IQGAP2: variants seen among roughly 807,000 people sequenced by gnomAD.
The protein encoded by IQGAP2 is ras GTPase-activating-like protein IQGAP2.
In IQGAP2, 173 loss-of-function variants were observed where a neutral mutation model predicts 201.3. That is an observed-to-expected ratio of 0.86 (90% CI 0.76 to 0.98). The LOEUF (loss-of-function observed/expected upper bound fraction) is 0.98. Among genes scored for constraint, IQGAP2 ranks in the 50% least tolerant of loss-of-function variants. The pLI, the probability that IQGAP2 is intolerant of heterozygous loss-of-function variation, is 0.00. For missense variants in IQGAP2, 1,687 were observed against 1,864.8 expected, an observed-to-expected ratio of 0.90 and a Z score of 1.76; for synonymous variants, 675 against 673.9, an observed-to-expected ratio of 1.00 and a Z score of -0.03.
At chr5:76,686,420 C>T (rs1216342184) in intron 30 of IQGAP2, among the ~76,000 whole-genome samples, 1 of 150,836 alleles carries the variant, frequency 6.6e-6, no homozygotes, top group African/African-American at 2.4e-5. Context: ...ATAGTTTTAG[C>T]TTTTACAGTT....
intron 20 of IQGAP2, among the ~76,000 whole-genome samples, chr5:76,656,254 G>A (rs1752908835): frequency 6.6e-6 from 1 of 150,922 alleles, no homozygotes; most frequent in Non-Finnish European, 1.5e-5. Context: ...ACGGAGTCTC[G>A]CTCTTTCGCC....
chr5:76,592,969 T>C, intron 9 of IQGAP2, 44 bp downstream of exon 9: 1 of 1,273,648 alleles, frequency 7.9e-7, no homozygotes. Context: ...TTCCGTAAGA[T>C]ACAGACTTTC....
chr5:76,427,695 C>G (rs549507596), intron 1 of IQGAP2, among the ~76,000 whole-genome samples: 3 of 152,264 alleles, frequency 2.0e-5, no homozygotes, highest in African/African-American at 4.8e-5. Flanking sequence ...GGCTGGGCCC[C>G]GAGACTGCAT....
At chr5:76,623,246 C>A in intron 13 of IQGAP2, 2 of 1,613,998 alleles carry the variant, frequency 1.2e-6, no homozygotes, top group South Asian at 1.1e-5. Flanking sequence ...TGACCTGAGT[C>A]CCGTCTCTTA....
Position 76,654,962 on chromosome 5 carries a change from T to C in IQGAP2, c.2279T>C (p.Leu760Pro). ...AATGAAATTGTGAAAATACAGTCAC[T>C]GTTGAGAGCGAACAAAGCTAGAGAT... ...HNNEIVKIQS[L>P]LRANKARDDY... The change falls in exon 20 of 36, where the codon CTG becomes CCG. Residue 760 changes from leucine to proline, a missense_variant. Physicochemically the swap from Leu to Pro is moderately conservative, Grantham distance 98. Coordinates refer to ENST00000274364, the MANE Select transcript of IQGAP2 (RefSeq NM_006633.5). The C allele has an allele frequency of 6.2e-7, 1 of 1,612,960 alleles. No individual in the cohort carries two copies. Among genetic ancestry groups the C allele is most frequent in the Non-Finnish European group, 8.5e-7 (1 of 1,179,094 alleles).
At chr5:76,526,099 A>G (rs1758958422) in intron 2 of IQGAP2, among the ~76,000 whole-genome samples, 1 of 152,228 alleles carries the variant, frequency 6.6e-6, no homozygotes. Context: ...ACTTGGCTAG[A>G]ATATTAACAT....
Position 76,462,900 on chromosome 5 carries a change from A to G in IQGAP2, c.146+1231A>G, listed in dbSNP as rs184123590. On this transcript the variant is annotated intron_variant, in intron 2 of 35. Coordinates refer to ENST00000274364, the MANE Select transcript of IQGAP2 (RefSeq NM_006633.5). The stretch of plus-strand genomic sequence containing the variant: ...GTCTACAGTTAGGTTGCAGGATGCT[A>G]GCGATTCACTATCAGTCTAAGATCA... Among the ~76,000 whole-genome samples the G allele has an allele frequency of 6.6e-5, 10 of 152,296 alleles. 1 individual carries two copies. The East Asian group carries it at 1.9e-3, about 29-fold the overall frequency.
At chr5:76,425,796 C>T (rs753299289) in intron 1 of IQGAP2, among the ~76,000 whole-genome samples, 6 of 152,144 alleles carry the variant, frequency 3.9e-5, no homozygotes, top group African/African-American at 7.2e-5. Flanking sequence ...CCTTGCTTTT[C>T]GGTTACCTTT....
intron 1 of IQGAP2, chr5:76,404,568 A>C: frequency 1.2e-6 from 1 of 844,256 alleles, no homozygotes; most frequent in Non-Finnish European, 1.4e-6. Flanking sequence ...TACCTTCAGC[A>C]GGGTGTTTTG....
chr5:76,508,581 C>T (rs1757751552), intron 2 of IQGAP2, among the ~76,000 whole-genome samples: 1 of 150,628 alleles, frequency 6.6e-6, no homozygotes, highest in Non-Finnish European at 1.5e-5. Flanking sequence ...GGTGGCTCAC[C>T]CCCATAATCC....
At chr5:76,503,629 T>C (rs1757422537) in intron 2 of IQGAP2, among the ~76,000 whole-genome samples, 1 of 152,264 alleles carries the variant, frequency 6.6e-6, no homozygotes, top group East Asian at 1.9e-4. Context: ...TTCACTCTTC[T>C]CACCCAGGCT....
rs759503239 is a variant in IQGAP2, at chr5:76,702,594, A to G, written c.4614+4A>G. 2.2e-6 allele frequency: 3 copies of G among 1,366,542 alleles called. No individual in the cohort carries two copies. In the South Asian group the frequency reaches 3.5e-5, roughly 16 times the overall value. 84.7% of individuals were successfully genotyped at this position (1,366,542 alleles called of 1,614,324 possible). A position where few individuals can be genotyped will look rare whatever the true frequency, so the allele number is the denominator to read the frequency against. ...AAAGGTGCAACTCAATATTCAGGTA[A>G]GCTGCTGGAATTTCTGCACATTGAT... is the stretch of plus-strand genomic sequence containing the variant. On this transcript the variant is annotated splice_donor_region_variant and intron_variant, in intron 35 of 35. Coordinates refer to ENST00000274364, the MANE Select transcript of IQGAP2 (RefSeq NM_006633.5).
At chr5:76,566,272 G>A (rs1321535374) in intron 3 of IQGAP2, among the ~76,000 whole-genome samples, 1 of 152,166 alleles carries the variant, frequency 6.6e-6, no homozygotes, top group African/African-American at 2.4e-5. Flanking sequence ...GAAAGCCAGT[G>A]TTATGGGTAG....
intron 1 of IQGAP2, among the ~76,000 whole-genome samples, chr5:76,432,128 CT>C (rs70982606): frequency 1.9e-4 from 18 of 95,318 alleles, no homozygotes; most frequent in East Asian, 8.5e-4. Flanking sequence ...TTTCTTTCTT[CT>C]TTTTTTTTTT....
intron 1 of IQGAP2, among the ~76,000 whole-genome samples, chr5:76,461,079 C>T (rs566374347): frequency 2.6e-5 from 4 of 151,928 alleles, no homozygotes; most frequent in African/African-American, 9.6e-5. Flanking sequence ...GGGGTTTCAC[C>T]GTGTTAGCCA....
At chr5:76,700,320 G>A (rs1293143624) in intron 33 of IQGAP2, among the ~76,000 whole-genome samples, 1 of 152,128 alleles carries the variant, frequency 6.6e-6, no homozygotes, top group Non-Finnish European at 1.5e-5. Context: ...CAGCTTGGCT[G>A]ACGTGGCGAA....
intron 12 of IQGAP2, 54 bp from the exon 13 acceptor site, chr5:76,610,966 A>T: frequency 6.8e-7 from 1 of 1,463,554 alleles, no homozygotes; most frequent in Non-Finnish European, 9.3e-7. Context: ...GGTGATACTA[A>T]AGAAGTTATA....
chr5:76,684,224 A>T (rs1745545766), intron 30 of IQGAP2, among the ~76,000 whole-genome samples: 1 of 152,240 alleles, frequency 6.6e-6, no homozygotes, highest in South Asian at 2.1e-4. Flanking sequence ...AGAAATATCT[A>T]TTACAGAGTG....
chr5:76,508,168 T>TAA (rs34994753), intron 2 of IQGAP2, among the ~76,000 whole-genome samples: 3 of 149,924 alleles, frequency 2.0e-5, no homozygotes, highest in Admixed American at 2.0e-4. Flanking sequence ...CCATCTCAAC[T>TAA]AAAAAAAATA....
Sources: allele counts gnomAD v4.1 joint callset (sites outside exome capture counted in the v4.1 genomes callset), GRCh38; gene constraint gnomAD v4.1.1; transcripts MANE v1.5; gene names NCBI Gene and HGNC (gene_info 2026-07-23, HGNC 2026-07-21).